Variants in ALMS1 observed in about 807,000 individuals in gnomAD.
The protein encoded by ALMS1 is centrosome-associated protein ALMS1.
In ALMS1, 271 loss-of-function variants were observed where a neutral mutation model predicts 352.2. The observed-to-expected ratio is 0.77, with a 90% CI of 0.70 to 0.85. The LOEUF (loss-of-function observed/expected upper bound fraction) is 0.85, where lower values mean the gene tolerates loss of function less well. Among genes scored for constraint, ALMS1 ranks in the 40% least tolerant of loss-of-function variants. The pLI, the probability that ALMS1 is intolerant of heterozygous loss-of-function variation, is 0.00. For synonymous variants in ALMS1, 1,865 were observed against 1,761.2 expected, an observed-to-expected ratio of 1.06 and a Z score of -1.48; for missense variants, 5,445 against 4,870.7, an observed-to-expected ratio of 1.12 and a Z score of -3.51.
intron 10 of ALMS1, among the ~76,000 whole-genome samples, chr2:73,516,468 C>A (rs1673558410): frequency 1.3e-5 from 2 of 152,144 alleles, no homozygotes; most frequent in African/African-American, 2.4e-5. Context: ...CAAAATAAAT[C>A]ATTCTACTGA....
chr2:73,402,260 T>TTC lies in ALMS1; in HGVS notation c.325-6352_325-6351dup, dbSNP rs199906776. Among the ~76,000 whole-genome samples, 123 of 149,660 alleles carry TTC rather than the reference T, an allele frequency of 8.2e-4. 2 individuals carry two copies. Among genetic ancestry groups the TTC allele is most frequent in the Admixed American group, 3.1e-3 (45 of 14,730 alleles). ...TAGTCCTTTTCTTTCTTTTCTTTCT[T>TTC]TCTCTCTCTCTTTTTTTTTTTTTTT... On this transcript the variant is annotated intron_variant, in intron 1 of 22. Coordinates refer to ENST00000613296, the MANE Select transcript of ALMS1 (RefSeq NM_001378454.1).
chr2:73,486,062 C>T (rs1050922285), intron 9 of ALMS1, among the ~76,000 whole-genome samples: 11 of 151,930 alleles, frequency 7.2e-5, no homozygotes, highest in Admixed American at 4.6e-4. Flanking sequence ...AGCTGTAGAC[C>T]GGAGCTGTTC....
At position 73,398,704 on chromosome 2, in the gene ALMS1, A is replaced by G. The variant is rs549023234; in HGVS notation, c.325-9918A>G. On this transcript the variant is annotated intron_variant, in intron 1 of 22. Transcript: ENST00000613296. Reference sequence around the variant, plus strand: ...TTTTATTTCTTGGGTTGTTAATGTAAATGGTATTATTGTACTTTTAACTTC... The same window carrying G: ...TTTTATTTCTTGGGTTGTTAATGTAGATGGTATTATTGTACTTTTAACTTC... 3.9e-4 allele frequency among the ~76,000 whole-genome samples: 59 copies of G among 152,296 alleles called. 1 individual carries two copies. Among genetic ancestry groups the G allele is most frequent in the Non-Finnish European group, 5.9e-4 (40 of 68,028 alleles).
chr2:73,555,756 GC>G (rs2104051835), intron 13 of ALMS1, among the ~76,000 whole-genome samples: 1 of 152,172 alleles, frequency 6.6e-6, no homozygotes, highest in Non-Finnish European at 1.5e-5. Context: ...ATAGGAAATA[GC>G]CTTAAGTTGA....
rs745859143 is a variant in ALMS1, at chr2:73,451,170, T to C, written c.4643T>C (p.Leu1548Pro). 4.3e-6 allele frequency: 7 copies of C among 1,613,888 alleles called. No homozygotes were observed. The East Asian group carries it at 1.6e-4, about 36-fold the overall frequency. Residue 1548 changes from leucine to proline, a missense_variant, in exon 8 of 23, where the codon CTC (leucine) becomes CCC (proline). Transcript: ENST00000613296. ...LLGSQIPEEA[L>P]RVSSAPGPAD... ...GGTAGTCAAATACCTGAAGAGGCTC[T>C]CAGAGTTTCTTCTGCTCCTGGACCA...
intron 15 of ALMS1, among the ~76,000 whole-genome samples, chr2:73,559,996 C>G (rs946496832): frequency 6.6e-6 from 1 of 151,990 alleles, no homozygotes; most frequent in African/African-American, 2.4e-5. Flanking sequence ...GATGTGACAC[C>G]AAAAACACAG....
chr2:73,466,126 A>C (rs536200826), intron 9 of ALMS1, among the ~76,000 whole-genome samples: 1 of 152,304 alleles, frequency 6.6e-6, no homozygotes, highest in East Asian at 1.9e-4. Flanking sequence ...CAGCCATCCC[A>C]TTTCTGGGTA....
chr2:73,446,602 A>G (rs1454080903), intron 7 of ALMS1, among the ~76,000 whole-genome samples: 1 of 152,138 alleles, frequency 6.6e-6, no homozygotes, highest in Non-Finnish European at 1.5e-5. Context: ...TTCATTCTAT[A>G]TTCAGCTCCT....
intron 3 of ALMS1, among the ~76,000 whole-genome samples, chr2:73,421,793 G>A (rs1671289527): frequency 6.6e-6 from 1 of 152,110 alleles, no homozygotes; most frequent in Non-Finnish European, 1.5e-5. Flanking sequence ...TGACAACATG[G>A]TGAGCTCTGT....
Position 73,453,245 on chromosome 2 carries a change from G to C in ALMS1, c.6718G>C (p.Gly2240Arg), listed in dbSNP as rs1671987455. 6.2e-7 allele frequency: 1 copy of C among 1,613,810 alleles called. No homozygotes were observed. Among genetic ancestry groups the C allele is most frequent in the African/African-American group, 1.3e-5 (1 of 74,892 alleles). The change falls in exon 8 of 23, where the codon GGT becomes CGT. Residue 2240 changes from glycine to arginine, a missense_variant. By Grantham distance (125) the Gly-to-Arg change is moderately radical. Coordinates refer to ENST00000613296, the MANE Select transcript of ALMS1 (RefSeq NM_001378454.1). ...RVVINKPESA[G>R]FRDVGSEEIQ... The stretch of plus-strand genomic sequence containing the variant: ...TGTAATAAATAAACCAGAATCTGCA[G>C]GTTTTAGAGATGTTGGCTCTGAAGA...
At chr2:73,419,772 T>C (rs1051041616) in intron 3 of ALMS1, among the ~76,000 whole-genome samples, 4 of 152,190 alleles carry the variant, frequency 2.6e-5, no homozygotes, top group African/African-American at 7.2e-5. Flanking sequence ...GATAAAGAGG[T>C]TGAGTGGCTT....
intron 9 of ALMS1, among the ~76,000 whole-genome samples, chr2:73,475,716 T>G (rs2103853108): frequency 6.6e-6 from 1 of 152,218 alleles, no homozygotes; most frequent in African/African-American, 2.4e-5. Context: ...TTTTAAATTC[T>G]GATGAACTCT....
At chr2:73,531,451 C>T (rs890632319) in intron 11 of ALMS1, among the ~76,000 whole-genome samples, 3 of 152,316 alleles carry the variant, frequency 2.0e-5, no homozygotes, top group East Asian at 3.9e-4. Context: ...GAGACTACCT[C>T]AACCTGGACT....
At chr2:73,543,501 C>T (rs1454940565) in intron 12 of ALMS1, among the ~76,000 whole-genome samples, 2 of 152,054 alleles carry the variant, frequency 1.3e-5, no homozygotes, top group Non-Finnish European at 2.9e-5. Flanking sequence ...GCAACAAAAG[C>T]CAAAATTGAC....
chr2:73,573,264 A>AT lies in ALMS1; in HGVS notation c.11388dup (p.Glu3797Ter). On this transcript the variant is annotated frameshift_variant, in exon 16 of 23. Coordinates refer to ENST00000613296, the MANE Select transcript of ALMS1 (RefSeq NM_001378454.1). LOFTEE classifies it high-confidence loss of function. ...GCCCGGCTGATTCAAGCTTTTGGCC[A>AT]TGAAAGAGTATGCTTGTCACCCAGA... The AT allele has an allele frequency of 6.2e-7, 1 of 1,614,002 alleles. No homozygotes were observed. The highest frequency in any genetic ancestry group is 8.5e-7 in the Non-Finnish European group (1 of 1,179,882).
intron 9 of ALMS1, among the ~76,000 whole-genome samples, chr2:73,463,647 A>T (rs1316056731): frequency 7.9e-6 from 1 of 127,166 alleles, no homozygotes; most frequent in Non-Finnish European, 1.7e-5. Context: ...CCTTCAAAAA[A>T]TTAATGAATC....
At chr2:73,412,801 C>CA (rs1231312239) in intron 2 of ALMS1, among the ~76,000 whole-genome samples, 4 of 151,212 alleles carry the variant, frequency 2.6e-5, no homozygotes, top group Admixed American at 2.6e-4. Flanking sequence ...GTCTCAAAAA[C>CA]AAAAAACAAA....
intron 17 of ALMS1, 63 bp downstream of exon 17, chr2:73,599,584 A>G (rs1675628167): frequency 3.9e-6 from 6 of 1,528,976 alleles, no homozygotes; most frequent in African/African-American, 2.7e-5. Flanking sequence ...AACATGTAAG[A>G]TACTCAACCT....
In ALMS1 at chr2:73,523,298, G is replaced by A. The variant is rs137868637; in HGVS notation, c.9781+3282G>A. Among the ~76,000 whole-genome samples the A allele has an allele frequency of 5.3e-3, 807 of 152,236 alleles. 3 individuals carry two copies. Among genetic ancestry groups the A allele is most frequent in the Non-Finnish European group, 8.3e-3 (564 of 68,008 alleles). On this transcript the variant is annotated intron_variant, in intron 11 of 22. Transcript: ENST00000613296. ...GTTTAGCATAGTTATGGTCCATAAG[G>A]CATGGATAAGGACAGTAAATCCCTT...
Sources: allele counts gnomAD v4.1 joint callset (sites outside exome capture counted in the v4.1 genomes callset), GRCh38; gene constraint gnomAD v4.1.1; transcripts MANE v1.5; gene names NCBI Gene and HGNC (gene_info 2026-07-23, HGNC 2026-07-21).